Variants in CNTNAP2 observed in about 807,000 individuals in gnomAD.
The protein encoded by CNTNAP2 is contactin associated protein 2.
Under a neutral mutation model 155.2 loss-of-function variants are expected in CNTNAP2, and 98 were observed. That is an observed-to-expected ratio of 0.63 (90% CI 0.54 to 0.75). CNTNAP2 has a LOEUF of 0.75. Among genes scored for constraint, CNTNAP2 ranks in the 30% least tolerant of loss-of-function variants. CNTNAP2 has a pLI of 0.00. For missense variants in CNTNAP2, 1,727 were observed against 1,688.1 expected, an observed-to-expected ratio of 1.02 and a Z score of -0.40; for synonymous variants, 651 against 631.2, an observed-to-expected ratio of 1.03 and a Z score of -0.47.
intron 1 of CNTNAP2, among the ~76,000 whole-genome samples, chr7:146,670,654 A>T (rs1396343282): frequency 2.6e-5 from 4 of 152,168 alleles, no homozygotes; most frequent in African/African-American, 9.7e-5. Flanking sequence ...GTCTCAACTT[A>T]ACAGGATATT....
chr7:147,238,967 A>T (rs1280490178), intron 8 of CNTNAP2, among the ~76,000 whole-genome samples: 1 of 152,240 alleles, frequency 6.6e-6, no homozygotes, highest in Non-Finnish European at 1.5e-5. Flanking sequence ...ATTTAGAGCA[A>T]CTAAACTATA....
chr7:146,775,929 C>A (rs1272800859), intron 2 of CNTNAP2, among the ~76,000 whole-genome samples: 1 of 151,962 alleles, frequency 6.6e-6, no homozygotes, highest in Non-Finnish European at 1.5e-5. Flanking sequence ...TAAATTAGCT[C>A]ATTTTTATAA....
intron 21 of CNTNAP2, among the ~76,000 whole-genome samples, chr7:148,313,306 C>T (rs1252814729): frequency 6.6e-6 from 1 of 150,660 alleles, no homozygotes; most frequent in African/African-American, 2.4e-5. Flanking sequence ...GGTGATCGGG[C>T]AGCGTCCGTC....
chr7:148,283,392 CTTAT>C (rs1340457388), intron 21 of CNTNAP2, among the ~76,000 whole-genome samples: 2 of 151,846 alleles, frequency 1.3e-5, no homozygotes, highest in Non-Finnish European at 2.9e-5. Flanking sequence ...TTTTGAATTT[CTTAT>C]TTATATACAG....
intron 1 of CNTNAP2, among the ~76,000 whole-genome samples, chr7:146,128,021 G>A (rs1311440472): frequency 1.3e-5 from 2 of 151,848 alleles, no homozygotes. Flanking sequence ...TTGCAACTTA[G>A]TACACACTTC....
chr7:146,966,510 A>G (rs1267804148), intron 3 of CNTNAP2, among the ~76,000 whole-genome samples: 2 of 152,190 alleles, frequency 1.3e-5, no homozygotes, highest in Non-Finnish European at 2.9e-5. Flanking sequence ...AATATCTGCA[A>G]TCTGGCCTCC....
chr7:147,105,161 A>T (rs1800740039), intron 4 of CNTNAP2, among the ~76,000 whole-genome samples: 1 of 151,708 alleles, frequency 6.6e-6, no homozygotes, highest in African/African-American at 2.4e-5. Flanking sequence ...TAATATTAAA[A>T]TGTTTATATG....
chr7:146,353,530 C>A (rs1235547254), intron 1 of CNTNAP2, among the ~76,000 whole-genome samples: 1 of 152,092 alleles, frequency 6.6e-6, no homozygotes, highest in Admixed American at 6.5e-5. Flanking sequence ...TATCTCTAAT[C>A]CTGTCTTCTC....
chr7:146,712,635 A>G (rs183985925), intron 1 of CNTNAP2, among the ~76,000 whole-genome samples: 10 of 151,560 alleles, frequency 6.6e-5, no homozygotes, highest in Admixed American at 3.3e-4. Context: ...TAACCCCATG[A>G]CTAGAATTTT....
In CNTNAP2 at chr7:146,778,061, C is replaced by CTATA. The variant is rs1450344606; in HGVS notation, c.208+3683_208+3686dup. 8.6e-5 allele frequency among the ~76,000 whole-genome samples: 13 copies of CTATA among 152,046 alleles called. No individual in the cohort carries two copies. The East Asian group carries it at 2.5e-3, about 29-fold the overall frequency. ...TGGCAAGAGTCATCTGATACAGACA[C>CTATA]TATATAAGTATCTGAAAGTGAGAAG... On this transcript the variant is annotated intron_variant, in intron 2 of 23. Coordinates refer to ENST00000361727, the MANE Select transcript of CNTNAP2 (RefSeq NM_014141.6).
intron 21 of CNTNAP2, among the ~76,000 whole-genome samples, chr7:148,287,005 T>G (rs758896000): frequency 1.3e-5 from 2 of 152,198 alleles, no homozygotes; most frequent in Non-Finnish European, 2.9e-5. Context: ...ATGACACAGA[T>G]CCACCATTAC....
chr7:147,362,262 A>G (rs1563175359), intron 9 of CNTNAP2, among the ~76,000 whole-genome samples: 1 of 152,146 alleles, frequency 6.6e-6, no homozygotes, highest in Non-Finnish European at 1.5e-5. Context: ...CCTTTCAAGT[A>G]GCGGGGATTA....
At chr7:147,255,215 T>C (rs1804294199) in intron 8 of CNTNAP2, among the ~76,000 whole-genome samples, 1 of 152,132 alleles carries the variant, frequency 6.6e-6, no homozygotes, top group Non-Finnish European at 1.5e-5. Flanking sequence ...TATTGGTAAA[T>C]ATTACATACA....
chr7:146,424,198 G>A (rs1225063147), intron 1 of CNTNAP2, among the ~76,000 whole-genome samples: 3 of 152,128 alleles, frequency 2.0e-5, no homozygotes, highest in African/African-American at 7.2e-5. Flanking sequence ...TCTCAATAAA[G>A]TTGAATTGAA....
chr7:147,744,924 G>A (rs951337827), intron 13 of CNTNAP2, among the ~76,000 whole-genome samples: 2 of 152,012 alleles, frequency 1.3e-5, no homozygotes, highest in Non-Finnish European at 2.9e-5. Context: ...GAATTTTGGG[G>A]GACATAATCC....
At chr7:146,621,410 G>C (rs1403176195) in intron 1 of CNTNAP2, among the ~76,000 whole-genome samples, 1 of 151,894 alleles carries the variant, frequency 6.6e-6, no homozygotes, top group African/African-American at 2.4e-5. Flanking sequence ...TTTCTTTTTT[G>C]GTTCCAGAAT....
chr7:146,769,145 A>G (rs555538499), intron 1 of CNTNAP2, among the ~76,000 whole-genome samples: 8 of 152,336 alleles, frequency 5.3e-5, no homozygotes, highest in Admixed American at 3.3e-4. Flanking sequence ...TCTAATTTTC[A>G]TCCAAGATTC....
chr7:147,274,917 T>G (rs1804861565), intron 8 of CNTNAP2, among the ~76,000 whole-genome samples: 1 of 152,148 alleles, frequency 6.6e-6, no homozygotes, highest in African/African-American at 2.4e-5. Context: ...CACCATTTAT[T>G]GAATAGGATG....
chr7:146,885,732 T>C (rs187041834), intron 3 of CNTNAP2, among the ~76,000 whole-genome samples: 2,032 of 152,270 alleles, frequency 0.013, 34 homozygotes, highest in African/African-American at 0.044. Context: ...TGATTCTATT[T>C]GTCATGTTTT....
Sources: allele counts gnomAD v4.1 joint callset (sites outside exome capture counted in the v4.1 genomes callset), GRCh38; gene constraint gnomAD v4.1.1; transcripts MANE v1.5; gene names NCBI Gene and HGNC (gene_info 2026-07-23, HGNC 2026-07-21).